DNAH17: variants seen among roughly 807,000 people sequenced by gnomAD.
DNAH17 encodes axonemal beta dynein heavy chain 17.
Under a neutral mutation model 485.6 loss-of-function variants are expected in DNAH17, and 376 were observed. That is an observed-to-expected ratio of 0.77 (90% CI 0.71 to 0.84). The LOEUF is 0.84. Ranked by LOEUF, DNAH17 falls within the 40% of genes least tolerant of loss-of-function variation. DNAH17 has a pLI of 0.00. For synonymous variants in DNAH17, 3,031 were observed against 2,405.9 expected (o/e 1.26, Z -7.60); for missense variants, 6,370 against 5,839.3 (o/e 1.09, Z -2.96).
intron 44 of DNAH17, among the ~76,000 whole-genome samples, chr17:78,486,749 G>C (rs2089628650): frequency 6.6e-6 from 1 of 152,196 alleles, no homozygotes; most frequent in Non-Finnish European, 1.5e-5. Flanking sequence ...GCTAGCTATG[G>C]GGGTGCTGTA....
At chr17:78,500,739 C>A in intron 35 of DNAH17, 1 of 247,618 alleles carries the variant, frequency 4.0e-6, no homozygotes, top group Non-Finnish European at 7.7e-6. Flanking sequence ...GAACTCCTGA[C>A]GTCAGGTGAT....
intron 30 of DNAH17, among the ~76,000 whole-genome samples, chr17:78,506,140 A>ATT (rs66859821): frequency 0.046 from 5,904 of 128,194 alleles, 466 homozygotes; most frequent in African/African-American, 0.13. Flanking sequence ...CACCTAGTTA[A>ATT]TTTTTTTTTT....
At chr17:78,570,644 G>A (rs985046683) in intron 6 of DNAH17, among the ~76,000 whole-genome samples, 1 of 152,018 alleles carries the variant, frequency 6.6e-6, no homozygotes, top group Non-Finnish European at 1.5e-5. Flanking sequence ...CGGATCATGA[G>A]GTCAGGAGAT....
rs1439175036 is a variant in DNAH17 at position 78,532,511 on chromosome 17, G to T, written c.3085C>A (p.Pro1029Thr). 17 of 1,610,898 alleles carry T rather than the reference G, an allele frequency of 1.1e-5. No individual in the cohort carries two copies. The highest frequency in any genetic ancestry group is 1.4e-5 in the Non-Finnish European group (16 of 1,179,024). Residue 1029 changes from proline to threonine, a missense_variant, in exon 20 of 81, where the codon CCG (proline) becomes ACG (threonine). Coordinates refer to ENST00000389840, the MANE Select transcript of DNAH17 (RefSeq NM_173628.4). Reference sequence around the variant, plus strand: ...TCCTGGAACTGAGCCAGGGTGGGCGGTGTCTTGGGGATGGTGTCATCTGTC... The same window carrying T: ...TCCTGGAACTGAGCCAGGGTGGGCGTTGTCTTGGGGATGGTGTCATCTGTC... ...TWTDDTIPKT[P>T]PTLAQFQEQI... is the part of the protein sequence containing the mutation.
At chr17:78,431,837 C>T (rs1156481840) in intron 75 of DNAH17, among the ~76,000 whole-genome samples, 1 of 152,042 alleles carries the variant, frequency 6.6e-6, no homozygotes, top group Non-Finnish European at 1.5e-5. Context: ...TAGAAGCTGC[C>T]CAGCGTGTGT....
At chr17:78,507,879 G>A in intron 27 of DNAH17, 74 bp from the exon 28 acceptor site, 1 of 1,347,192 alleles carries the variant, frequency 7.4e-7, no homozygotes. Context: ...AGAGTTTCCA[G>A]GACATAGACT....
Position 78,502,640 on chromosome 17 carries a change from C to G in DNAH17, c.5141G>C (p.Arg1714Thr), listed in dbSNP as rs1212606590. The G allele has an allele frequency of 6.2e-7, 1 of 1,612,804 alleles. No individual in the cohort carries two copies. Among genetic ancestry groups the G allele is most frequent in the East Asian group, 2.2e-5 (1 of 44,890 alleles). Residue 1714 changes from arginine to threonine, a missense_variant, in exon 33 of 81, where the codon AGG becomes ACG. Transcript: ENST00000389840. Reference sequence around the variant, plus strand: ...AGCGTTTTCATAGCCTTCCTCCAGCCTGGCAAATGCCAGGCCCACCTCGGT... The same window carrying G: ...AGCGTTTTCATAGCCTTCCTCCAGCGTGGCAAATGCCAGGCCCACCTCGGT... ...WTTEVGLAFA[R>T]LEEGYENAIR...
chr17:78,431,873 C>CT (rs1233075833), intron 75 of DNAH17, among the ~76,000 whole-genome samples: 1 of 152,106 alleles, frequency 6.6e-6, no homozygotes, highest in Non-Finnish European at 1.5e-5. Context: ...AAGGAAATGT[C>CT]TTAAAAATCC....
chr17:78,439,234 C>T lies in DNAH17; in HGVS notation c.11678-17G>A. 1 of 1,590,592 alleles carries T rather than the reference C, an allele frequency of 6.3e-7. No individual in the cohort carries two copies. Among genetic ancestry groups the T allele is most frequent in the Non-Finnish European group, 8.5e-7 (1 of 1,169,630 alleles). Reference sequence around the variant, plus strand: ...GTTTTTTTCCTAAAGAAAAGAAAAACAGGAAAAAAACACCACGTAATTAAA... The same window carrying T: ...GTTTTTTTCCTAAAGAAAAGAAAAATAGGAAAAAAACACCACGTAATTAAA... On this transcript the variant is annotated splice_polypyrimidine_tract_variant and intron_variant, in intron 72 of 80. Coordinates refer to ENST00000389840, the MANE Select transcript of DNAH17 (RefSeq NM_173628.4).
chr17:78,432,910 C>CCCCCA (rs1555650523), intron 75 of DNAH17, among the ~76,000 whole-genome samples: 1 of 123,976 alleles, frequency 8.1e-6, no homozygotes, highest in African/African-American at 3.2e-5. Flanking sequence ...GTGCCCCCCC[C>CCCCCA]CCCCGACCCC....
intron 16 of DNAH17, among the ~76,000 whole-genome samples, chr17:78,545,036 C>A (rs552393207): frequency 2.6e-5 from 4 of 151,974 alleles, no homozygotes; most frequent in African/African-American, 9.7e-5. Flanking sequence ...ACCTTTCCTC[C>A]TCCTCACGGC....
In DNAH17 at chr17:78,468,753, A is replaced by G. The variant is rs1336618332; in HGVS notation, c.8642T>C (p.Ile2881Thr). 6.2e-7 allele frequency: 1 copy of G among 1,614,004 alleles called. No individual in the cohort carries two copies. The highest frequency in any genetic ancestry group is 8.5e-7 in the Non-Finnish European group (1 of 1,179,894). The part of the protein sequence containing the change: ...LINDLLASGE[I>T]PGLFMEDEVE... ...CTCGTCCTCCATAAACAGCCCAGGG[A>G]TCTCTCCTGAGGCCAGCAGGTCATT... Residue 2881 changes from isoleucine (I) to threonine (T), a missense_variant, in exon 55 of 81, where the codon ATC becomes ACC. Coordinates refer to ENST00000389840, the MANE Select transcript of DNAH17 (RefSeq NM_173628.4).
At chr17:78,542,144 C>CTTTTT (rs375269334) in intron 17 of DNAH17, among the ~76,000 whole-genome samples, 1 of 130,970 alleles carries the variant, frequency 7.6e-6, no homozygotes, top group Non-Finnish European at 1.6e-5. Flanking sequence ...CCCTAAAATA[C>CTTTTT]TTTTTTTTTT....
chr17:78,488,003 A>C (rs1335416886), intron 44 of DNAH17, among the ~76,000 whole-genome samples: 1 of 152,214 alleles, frequency 6.6e-6, no homozygotes, highest in Non-Finnish European at 1.5e-5. Flanking sequence ...GCCTGTCGCA[A>C]CTAAGAACTG....
intron 70 of DNAH17, 35 bp from the exon 71 acceptor site, chr17:78,444,832 C>T: frequency 1.3e-6 from 2 of 1,531,420 alleles, no homozygotes; most frequent in South Asian, 2.6e-5. Context: ...GTGACTCTTC[C>T]CACTTACCCG....
At position 78,571,394 on chromosome 17, in the gene DNAH17, A is replaced by G; in HGVS notation, c.733-16T>C. 6.3e-7 allele frequency: 1 copy of G among 1,598,146 alleles called. No individual in the cohort carries two copies. The highest frequency in any genetic ancestry group is 8.6e-7 in the Non-Finnish European group (1 of 1,166,104). The stretch of plus-strand genomic sequence containing the variant: ...GTCTGTTTAGCTGAGAAGGGGAGTG[A>G]AGATCCACCTTTCATTGACCTGGAA... On this transcript the variant is annotated splice_polypyrimidine_tract_variant and intron_variant, in intron 4 of 80. Transcript: ENST00000389840.
At chr17:78,564,074 C>A (rs1385972520) in intron 11 of DNAH17, among the ~76,000 whole-genome samples, 2 of 152,194 alleles carry the variant, frequency 1.3e-5, no homozygotes, top group Non-Finnish European at 2.9e-5. Context: ...TTGTTCCTCG[C>A]TAGCTCCATT....
chr17:78,551,695 G>A (rs1197420507), intron 15 of DNAH17, 57 bp from the exon 16 acceptor site: 13 of 1,560,024 alleles, frequency 8.3e-6, no homozygotes, highest in African/African-American at 4.1e-5. Context: ...TGGGCGCGGT[G>A]GCTCAAGCTT....
chr17:78,538,971 G>C (rs1034238123), intron 18 of DNAH17, among the ~76,000 whole-genome samples: 1 of 152,162 alleles, frequency 6.6e-6, no homozygotes, highest in Non-Finnish European at 1.5e-5. Flanking sequence ...AGTGGTTCAC[G>C]CCTGTAATCC....
Sources: allele counts gnomAD v4.1 joint callset (sites outside exome capture counted in the v4.1 genomes callset), GRCh38; gene constraint gnomAD v4.1.1; transcripts MANE v1.5; gene names NCBI Gene and HGNC (gene_info 2026-07-23, HGNC 2026-07-21).